The following RBKS variants were observed in gnomAD, a reference collection of about 807,000 sequenced individuals.
RBKS encodes ribokinase.
RBKS carries 33 observed loss-of-function variants against 33.9 expected under a neutral mutation model. The ratio of observed to expected loss-of-function variants is 0.97; its 90% confidence interval spans 0.74 to 1.30. RBKS has a LOEUF of 1.30. Among genes scored for constraint, RBKS ranks in the 50% most tolerant of loss-of-function variants. The pLI is 0.00. For synonymous variants in RBKS, 125 were observed against 143.0 expected (o/e 0.87, Z 0.90); for missense variants, 361 against 392.6 (o/e 0.92, Z 0.68).
chr2:27,845,557 A>AACAAC (rs1430644322), intron 4 of RBKS, among the ~76,000 whole-genome samples: 2 of 145,962 alleles, frequency 1.4e-5, no homozygotes, highest in African/African-American at 5.1e-5. Context: ...ACAACAACAA[A>AACAAC]AGAGGTTTAA....
intron 1 of RBKS, among the ~76,000 whole-genome samples, chr2:27,881,225 G>A (rs1356553471): frequency 2.7e-5 from 4 of 150,806 alleles, no homozygotes; most frequent in Non-Finnish European, 4.4e-5. Flanking sequence ...TCCAGCCTGG[G>A]GGAAAGAGCA....
intron 1 of RBKS, among the ~76,000 whole-genome samples, chr2:27,871,291 C>G (rs1664205915): frequency 6.6e-6 from 1 of 152,102 alleles, no homozygotes; most frequent in South Asian, 2.1e-4. Flanking sequence ...ACAAAAAAAC[C>G]CAAAAGCTTG....
At chr2:27,858,378 A>G in intron 2 of RBKS, 61 bp downstream of exon 2, 1 of 1,511,672 alleles carries the variant, frequency 6.6e-7, no homozygotes, top group Non-Finnish European at 8.9e-7. Context: ...AAAACAATGA[A>G]CTCCAGTCTT....
intron 2 of RBKS, among the ~76,000 whole-genome samples, chr2:27,857,714 C>T (rs866316529): frequency 2.0e-5 from 3 of 152,214 alleles, no homozygotes; most frequent in Middle Eastern, 3.2e-3. Context: ...CCTCACTTCT[C>T]ACACCCCAGT....
chr2:27,884,404 G>A lies in RBKS; in HGVS notation c.89+5853C>T, dbSNP rs1419480292. Among the ~76,000 whole-genome samples the A allele has an allele frequency of 2.6e-5, 4 of 151,970 alleles. No individual in the cohort carries two copies. In the East Asian group the frequency reaches 5.8e-4, roughly 22 times the overall value. ...TGGGACTACAGGCTCACACCACTACGCCCAGCTAATTTGTGTATTTTTTGC... is the reference window on the plus strand; with the variant it reads ...TGGGACTACAGGCTCACACCACTACACCCAGCTAATTTGTGTATTTTTTGC... On this transcript the variant is annotated intron_variant, in intron 1 of 7. Coordinates refer to ENST00000302188, the MANE Select transcript of RBKS (RefSeq NM_022128.3).
chr2:27,808,042 A>T (rs1677925825), intron 7 of RBKS, among the ~76,000 whole-genome samples: 1 of 152,208 alleles, frequency 6.6e-6, no homozygotes, highest in South Asian at 2.1e-4. Flanking sequence ...CTTCTTTGAC[A>T]TCAGTGTTTC....
At chr2:27,883,415 G>A (rs1323047280) in intron 1 of RBKS, among the ~76,000 whole-genome samples, 1 of 152,142 alleles carries the variant, frequency 6.6e-6, no homozygotes, top group Non-Finnish European at 1.5e-5. Context: ...TAGCCAGGAT[G>A]GTCTCGATCT....
intron 1 of RBKS, among the ~76,000 whole-genome samples, chr2:27,875,825 C>T (rs1037718115): frequency 6.6e-6 from 1 of 152,116 alleles, no homozygotes; most frequent in Non-Finnish European, 1.5e-5. Flanking sequence ...AGCTCCTTGC[C>T]TGTACAGACA....
At chr2:27,854,105 C>T (rs961869253) in intron 2 of RBKS, among the ~76,000 whole-genome samples, 4 of 152,178 alleles carry the variant, frequency 2.6e-5, no homozygotes, top group Admixed American at 2.0e-4. Flanking sequence ...CCTTGTTTTC[C>T]TTTTCTTGTT....
intron 6 of RBKS, among the ~76,000 whole-genome samples, chr2:27,832,240 A>G (rs951390617): frequency 6.6e-6 from 1 of 152,250 alleles, no homozygotes; most frequent in Non-Finnish European, 1.5e-5. Context: ...CAGGAAGCTC[A>G]GTTAAATTTG....
intron 6 of RBKS, among the ~76,000 whole-genome samples, chr2:27,831,334 G>A (rs555448783): frequency 8.1e-4 from 124 of 152,214 alleles, no homozygotes; most frequent in African/African-American, 3.0e-3. Flanking sequence ...CAGAAGAATT[G>A]AATAAGTAAT....
Position 27,781,519 on chromosome 2 carries a change from A to T in RBKS, c.*96T>A, listed in dbSNP as rs1228176102. 11 of 936,298 alleles carry T rather than the reference A, an allele frequency of 1.2e-5. No individual in the cohort carries two copies. Among genetic ancestry groups the T allele is most frequent in the Non-Finnish European group, 1.7e-5 (11 of 631,078 alleles). The allele number at this position is 936,298 out of a possible 1,614,324, so 58.0% of individuals were successfully genotyped here. A position where few individuals can be genotyped will look rare whatever the true frequency, so the allele number is the denominator to read the frequency against. On this transcript the variant is annotated 3_prime_UTR_variant, in exon 8 of 8. Transcript: ENST00000302188. ...TAAAAGAACTAATATTTGCAAAGAAAGGGGACGAGGACATTTTCTAATAAG... is the reference window on the plus strand; with the variant it reads ...TAAAAGAACTAATATTTGCAAAGAATGGGGACGAGGACATTTTCTAATAAG...
At position 27,842,139 on chromosome 2, in the gene RBKS, A is replaced by G. The variant is rs1388187347; in HGVS notation, c.514+928T>C. On this transcript the variant is annotated intron_variant, in intron 5 of 7. Transcript: ENST00000302188. Reference sequence around the variant, plus strand: ...TAGGACCACGAAGCTGACAAGGGACAGAAATGGGATTCTAATTCAGAAGAT... The same window carrying G: ...TAGGACCACGAAGCTGACAAGGGACGGAAATGGGATTCTAATTCAGAAGAT... Among the ~76,000 whole-genome samples the G allele has an allele frequency of 4.6e-5, 7 of 152,376 alleles. No individual in the cohort carries two copies. In the East Asian group the frequency reaches 1.3e-3, roughly 29 times the overall value.
At chr2:27,845,769 A>T (rs1345630822) in intron 4 of RBKS, among the ~76,000 whole-genome samples, 1 of 152,218 alleles carries the variant, frequency 6.6e-6, no homozygotes, top group Non-Finnish European at 1.5e-5. Flanking sequence ...GCTGCATTAT[A>T]AATAAAAGAC....
At chr2:27,808,801 C>T (rs939678713) in intron 7 of RBKS, among the ~76,000 whole-genome samples, 2 of 152,184 alleles carry the variant, frequency 1.3e-5, no homozygotes, top group African/African-American at 4.8e-5. Flanking sequence ...AAATAATATA[C>T]AGAACAGACA....
intron 1 of RBKS, among the ~76,000 whole-genome samples, chr2:27,881,401 C>T (rs180713267): frequency 1.1e-4 from 17 of 151,830 alleles, no homozygotes; most frequent in East Asian, 5.8e-4. Context: ...ATTAGCCAGC[C>T]GTAGTGGTGT....
chr2:27,867,121 CT>C (rs1005143307), intron 1 of RBKS, among the ~76,000 whole-genome samples: 7 of 135,798 alleles, frequency 5.2e-5, no homozygotes, highest in Non-Finnish European at 1.1e-4. Flanking sequence ...AAAAAAATGC[CT>C]TTTTGCTAAT....
intron 1 of RBKS, among the ~76,000 whole-genome samples, chr2:27,858,817 T>G (rs893488496): frequency 2.0e-5 from 3 of 152,240 alleles, no homozygotes; most frequent in Non-Finnish European, 4.4e-5. Context: ...GTGGCTAGTG[T>G]TGTACTGCAT....
intron 1 of RBKS, among the ~76,000 whole-genome samples, chr2:27,864,182 A>G (rs1025996727): frequency 6.6e-6 from 1 of 151,784 alleles, no homozygotes; most frequent in Non-Finnish European, 1.5e-5. Context: ...GCACACAACC[A>G]TGCCCAACTA....
Sources: allele counts gnomAD v4.1 joint callset (sites outside exome capture counted in the v4.1 genomes callset), GRCh38; gene constraint gnomAD v4.1.1; transcripts MANE v1.5; gene names NCBI Gene and HGNC (gene_info 2026-07-23, HGNC 2026-07-21).